The following LRRTM4 variants were observed in gnomAD, a reference collection of about 807,000 sequenced individuals.
LRRTM4 encodes leucine-rich repeat transmembrane neuronal protein 4.
LRRTM4 carries 25 observed loss-of-function variants against 47.6 expected under a neutral mutation model. The observed-to-expected ratio is 0.53, with a 90% CI of 0.38 to 0.73. The LOEUF (loss-of-function observed/expected upper bound fraction) is 0.73. Among genes scored for constraint, LRRTM4 ranks in the 30% least tolerant of loss-of-function variants. The pLI is 0.00. For synonymous variants in LRRTM4, 311 were observed against 269.5 expected (o/e 1.15, Z -1.51); for missense variants, 638 against 713.4 (o/e 0.89, Z 1.20).
intron 3 of LRRTM4, among the ~76,000 whole-genome samples, chr2:77,057,681 T>C (rs1390101202): frequency 6.6e-6 from 1 of 152,150 alleles, no homozygotes; most frequent in Non-Finnish European, 1.5e-5. Context: ...GCCCTTCCCC[T>C]ACTCCATTAA....
rs150948481 is a variant in LRRTM4 at position 77,181,157 on chromosome 2, C to T, written c.1551+337161G>A. 7.2e-5 allele frequency among the ~76,000 whole-genome samples: 11 copies of T among 152,196 alleles called. No homozygotes were observed. In the East Asian group the frequency reaches 1.5e-3, roughly 21 times the overall value. ...TTTTGAGAAGTGTCTGTAAACAATACTACAGGTAAGACTGGGATGAGGTCA... is the reference window on the plus strand; with the variant it reads ...TTTTGAGAAGTGTCTGTAAACAATATTACAGGTAAGACTGGGATGAGGTCA... On this transcript the variant is annotated intron_variant, in intron 3 of 3. Coordinates refer to ENST00000409884, the MANE Select transcript of LRRTM4 (RefSeq NM_001134745.3).
rs574796016 is a variant in LRRTM4, at chr2:77,474,435, T to C, written c.1551+43883A>G. Among the ~76,000 whole-genome samples, 10 of 152,142 alleles carry C rather than the reference T, an allele frequency of 6.6e-5. No homozygotes were observed. The East Asian group carries it at 1.9e-3, about 29-fold the overall frequency. On this transcript the variant is annotated intron_variant, in intron 3 of 3. Coordinates refer to ENST00000409884, the MANE Select transcript of LRRTM4 (RefSeq NM_001134745.3). ...GCCAATTCTCAGATTATTTGTTGTA[T>C]ACAAAATAGCCACAGAAACCTATTT...
At chr2:77,077,420 A>G (rs1411536558) in intron 3 of LRRTM4, among the ~76,000 whole-genome samples, 1 of 152,160 alleles carries the variant, frequency 6.6e-6, no homozygotes, top group Admixed American at 6.5e-5. Context: ...CATATTAGAG[A>G]TATTTTCAAG....
At chr2:77,054,489 T>C (rs1679538875) in intron 3 of LRRTM4, among the ~76,000 whole-genome samples, 1 of 152,190 alleles carries the variant, frequency 6.6e-6, no homozygotes, top group Non-Finnish European at 1.5e-5. Flanking sequence ...TGTGAGAGAC[T>C]TTATCAAAGC....
chr2:76,898,086 A>G (rs1673484270), intron 3 of LRRTM4, among the ~76,000 whole-genome samples: 1 of 152,180 alleles, frequency 6.6e-6, no homozygotes, highest in Non-Finnish European at 1.5e-5. Flanking sequence ...GTGAGAGCAC[A>G]AGTGAGTGGT....
At chr2:77,408,336 G>T (rs1417900378) in intron 3 of LRRTM4, among the ~76,000 whole-genome samples, 2 of 152,018 alleles carry the variant, frequency 1.3e-5, no homozygotes, top group African/African-American at 2.4e-5. Flanking sequence ...TTTCTTAATA[G>T]CTCAATATTT....
chr2:77,170,403 T>G (rs1673012690), intron 3 of LRRTM4, among the ~76,000 whole-genome samples: 1 of 152,140 alleles, frequency 6.6e-6, no homozygotes, highest in Admixed American at 6.5e-5. Context: ...GGAACTAGAT[T>G]CTGCCAGTAA....
At chr2:76,860,754 A>G (rs1672289719) in intron 3 of LRRTM4, among the ~76,000 whole-genome samples, 1 of 152,148 alleles carries the variant, frequency 6.6e-6, no homozygotes, top group Non-Finnish European at 1.5e-5. Flanking sequence ...TCTTTCTACA[A>G]ACTCCAGAAA....
chr2:77,279,767 A>C (rs530509580), intron 3 of LRRTM4, among the ~76,000 whole-genome samples: 94 of 152,026 alleles, frequency 6.2e-4, no homozygotes, highest in Non-Finnish European at 1.2e-3. Context: ...GAGTATTATA[A>C]TAAGACATGA....
chr2:76,871,088 T>A (rs1297574660), intron 3 of LRRTM4, among the ~76,000 whole-genome samples: 1 of 152,140 alleles, frequency 6.6e-6, no homozygotes, highest in East Asian at 1.9e-4. Flanking sequence ...TCAATATCAA[T>A]ACAACATCAG....
At chr2:77,323,391 T>C (rs938602096) in intron 3 of LRRTM4, among the ~76,000 whole-genome samples, 1 of 152,094 alleles carries the variant, frequency 6.6e-6, no homozygotes, top group Non-Finnish European at 1.5e-5. Context: ...GGAGAAAACT[T>C]GAATGCTGAG....
In LRRTM4 at chr2:77,498,963, G is replaced by A. The variant is rs181788521; in HGVS notation, c.1551+19355C>T. 3.6e-4 allele frequency among the ~76,000 whole-genome samples: 54 copies of A among 151,834 alleles called. 2 individuals are homozygous for A. The highest frequency in any genetic ancestry group is 9.2e-4 in the African/African-American group (38 of 41,456). ...TCTCTACATAGATTACTCCTTGCTC[G>A]CTACATATGACATCCAACTCCTGAA... On this transcript the variant is annotated intron_variant, in intron 3 of 3. Coordinates refer to ENST00000409884, the MANE Select transcript of LRRTM4 (RefSeq NM_001134745.3).
At chr2:77,029,020 G>T (rs1057174923) in intron 3 of LRRTM4, among the ~76,000 whole-genome samples, 7 of 145,750 alleles carry the variant, frequency 4.8e-5, no homozygotes, top group African/African-American at 1.8e-4. Flanking sequence ...GGGTGACAAA[G>T]CGAGAGTCCA....
chr2:76,890,626 T>C (rs975014380), intron 3 of LRRTM4, among the ~76,000 whole-genome samples: 1 of 151,976 alleles, frequency 6.6e-6, no homozygotes, highest in African/African-American at 2.4e-5. Flanking sequence ...TCAACTGTAT[T>C]ACAATAAACT....
chr2:76,939,473 T>A (rs1034826938), intron 3 of LRRTM4, among the ~76,000 whole-genome samples: 1 of 152,054 alleles, frequency 6.6e-6, no homozygotes, highest in African/African-American at 2.4e-5. Context: ...GAAAAAATCG[T>A]CTGGCCAGAA....
chr2:76,946,967 C>T (rs779934457), intron 3 of LRRTM4, among the ~76,000 whole-genome samples: 1 of 151,838 alleles, frequency 6.6e-6, no homozygotes, highest in Non-Finnish European at 1.5e-5. Flanking sequence ...TGTTTGAAAA[C>T]ATTACAGTGT....
At chr2:77,392,047 C>T (rs1273257610) in intron 3 of LRRTM4, among the ~76,000 whole-genome samples, 1 of 152,020 alleles carries the variant, frequency 6.6e-6, no homozygotes, top group East Asian at 1.9e-4. Context: ...TAGAGAATCT[C>T]CTTCCCTTAC....
At chr2:77,196,260 GATCAGGGT>G (rs1673823596) in intron 3 of LRRTM4, among the ~76,000 whole-genome samples, 1 of 152,134 alleles carries the variant, frequency 6.6e-6, no homozygotes, top group Non-Finnish European at 1.5e-5. Flanking sequence ...TTAGTGATAA[GATCAGGGT>G]AATAGGCATA....
chr2:77,007,238 T>C (rs1677689657), intron 3 of LRRTM4, among the ~76,000 whole-genome samples: 1 of 152,016 alleles, frequency 6.6e-6, no homozygotes, highest in Non-Finnish European at 1.5e-5. Flanking sequence ...AATTCTGTTA[T>C]CTAAGAGAAG....
Sources: allele counts gnomAD v4.1 joint callset (sites outside exome capture counted in the v4.1 genomes callset), GRCh38; gene constraint gnomAD v4.1.1; transcripts MANE v1.5; gene names NCBI Gene and HGNC (gene_info 2026-07-23, HGNC 2026-07-21).